Variants in ARHGEF3 observed in about 807,000 individuals in gnomAD.
ARHGEF3 encodes the protein Rho guanine nucleotide exchange factor 3, also known as 59.8 kDA protein.
In ARHGEF3, 28 loss-of-function variants were observed where a neutral mutation model predicts 63.2. The observed-to-expected ratio is 0.44, with a 90% confidence interval of 0.33 to 0.61. ARHGEF3 has a LOEUF of 0.61. ARHGEF3 is among the 20% of genes least tolerant of loss of function. The pLI, the probability that ARHGEF3 is intolerant of heterozygous loss-of-function variation, is 0.03. For synonymous variants in ARHGEF3, 266 were observed against 254.2 expected (o/e 1.05, Z -0.44); for missense variants, 533 against 659.3 (o/e 0.81, Z 2.10).
At chr3:56,811,978 G>T (rs2038084099) in intron 4 of ARHGEF3, among the ~76,000 whole-genome samples, 1 of 152,134 alleles carries the variant, frequency 6.6e-6, no homozygotes, top group Non-Finnish European at 1.5e-5. Flanking sequence ...TTTTATGTCT[G>T]TCTCCACTGC....
chr3:57,071,075 T>C (rs1017592547), intron 1 of ARHGEF3, among the ~76,000 whole-genome samples: 2 of 151,864 alleles, frequency 1.3e-5, no homozygotes, highest in African/African-American at 4.8e-5. Flanking sequence ...GCTATAGTAG[T>C]CAAGACAGTA....
chr3:56,967,395 T>A (rs866248243), intron 2 of ARHGEF3, among the ~76,000 whole-genome samples: 1 of 60,798 alleles, frequency 1.6e-5, no homozygotes, highest in African/African-American at 7.5e-5. Flanking sequence ...ATATTATATA[T>A]TATATAATAT....
intron 3 of ARHGEF3, among the ~76,000 whole-genome samples, chr3:56,957,400 CAT>C (rs758451460): frequency 1.3e-5 from 2 of 152,256 alleles, no homozygotes; most frequent in Non-Finnish European, 1.5e-5. Flanking sequence ...CTAAAGGTAA[CAT>C]GTGGATGGAT....
chr3:56,846,778 C>T (rs1427428522), intron 4 of ARHGEF3, among the ~76,000 whole-genome samples: 4 of 152,270 alleles, frequency 2.6e-5, no homozygotes, highest in South Asian at 4.1e-4. Context: ...GGTCTTGTGT[C>T]CTCTTCCTTT....
chr3:56,992,391 A>C lies in ARHGEF3; in HGVS notation c.63-33502T>G, dbSNP rs1204391882. On this transcript the variant is annotated intron_variant, in intron 2 of 12. Coordinates refer to the ARHGEF3 transcript ENST00000338458. ...GGATGGCTTTAAAAAAAAAAAAAAA[A>C]AAAAAAAAAAAAAAAAAAAAAAACA... 6.2e-4 allele frequency among the ~76,000 whole-genome samples: 69 copies of C among 111,142 alleles called. 1 individual carries two copies. Among genetic ancestry groups the C allele is most frequent in the African/African-American group, 3.0e-3 (63 of 20,920 alleles). 72.9% of individuals were successfully genotyped at this position (111,142 alleles called of 152,430 possible). A position where few individuals can be genotyped will look rare whatever the true frequency, so the allele number is the denominator to read the frequency against.
At chr3:56,758,382 G>A (rs1248730248) in intron 2 of ARHGEF3, among the ~76,000 whole-genome samples, 1 of 151,828 alleles carries the variant, frequency 6.6e-6, no homozygotes, top group Admixed American at 6.6e-5. Context: ...TTGAGCTGAG[G>A]AGTTCGAGAC....
At chr3:56,971,647 C>T (rs1700916022) in intron 2 of ARHGEF3, among the ~76,000 whole-genome samples, 1 of 151,572 alleles carries the variant, frequency 6.6e-6, no homozygotes, top group African/African-American at 2.4e-5. Flanking sequence ...GTCAGGAGAT[C>T]GAGACCATCC....
At chr3:56,999,773 G>T (rs1336634917) in intron 2 of ARHGEF3, among the ~76,000 whole-genome samples, 2 of 152,118 alleles carry the variant, frequency 1.3e-5, no homozygotes, top group Non-Finnish European at 2.9e-5. Flanking sequence ...CTCCAGCCTT[G>T]GAAAAAGAGT....
Position 56,755,226 on chromosome 3 carries a change from T to C in ARHGEF3, c.205-75A>G. On this transcript the variant is annotated intron_variant, in intron 2 of 9. Transcript: ENST00000296315. The stretch of plus-strand genomic sequence containing the variant: ...TGGATCTTTGAGCAGTTTCCTGTCG[T>C]TGACGGAACATAAATCATATATGTG... The C allele has an allele frequency of 1.7e-5, 25 of 1,461,854 alleles. 1 individual carries two copies. The South Asian group carries it at 2.6e-4, about 15-fold the overall frequency. The allele number at this position is 1,461,854 out of a possible 1,614,324, so 90.6% of individuals were successfully genotyped here. A position where few individuals can be genotyped will look rare whatever the true frequency, so the allele number is the denominator to read the frequency against.
intron 2 of ARHGEF3, among the ~76,000 whole-genome samples, chr3:57,013,809 A>G (rs1702815423): frequency 6.6e-6 from 1 of 152,172 alleles, no homozygotes; most frequent in South Asian, 2.1e-4. Context: ...GTCAAAACGG[A>G]CCAATCAGCT....
In ARHGEF3 at chr3:56,949,734, C is replaced by T. The variant is rs1000107136; in HGVS notation, c.129+9089G>A. Among the ~76,000 whole-genome samples, 59 of 152,062 alleles carry T rather than the reference C, an allele frequency of 3.9e-4. 1 individual carries two copies. The highest frequency in any genetic ancestry group is 4.1e-4 in the Non-Finnish European group (28 of 68,016). ...GGTAATTTATAGATTCAATGCCATC[C>T]CCATCAAGCTACCAATGATTTTCTT... is the stretch of plus-strand genomic sequence containing the variant. On this transcript the variant is annotated intron_variant, in intron 3 of 12. Coordinates refer to the ARHGEF3 transcript ENST00000338458.
In ARHGEF3 at chr3:56,728,407, C is replaced by T. The variant is rs2032868192; in HGVS notation, c.*863G>A. On this transcript the variant is annotated 3_prime_UTR_variant, in exon 10 of 10. Transcript: ENST00000296315. ...TCATGGTCTCTCTTCCTTGTTGCTT[C>T]ATTCATTCTCTAAAATAATGAGTAG... 6.6e-6 allele frequency: 1 copy of T among 152,650 alleles called. No individual in the cohort carries two copies. Among genetic ancestry groups the T allele is most frequent in the Non-Finnish European group, 1.5e-5 (1 of 68,060 alleles). 9.5% of individuals were successfully genotyped at this position (152,650 alleles called of 1,614,324 possible).
intron 8 of ARHGEF3, among the ~76,000 whole-genome samples, chr3:56,736,468 A>C (rs1426627312): frequency 6.6e-6 from 1 of 152,208 alleles, no homozygotes; most frequent in Admixed American, 6.5e-5. Flanking sequence ...AATTGGTTTC[A>C]AAATGCCAGT....
At position 56,727,431 on chromosome 3, in the gene ARHGEF3, T is replaced by C. The variant is rs1289831236; in HGVS notation, c.*1839A>G. ...GTACACATGGAGGATGACTTAATAA[T>C]GTAATTTATTTGAAATACTTCCAGA... On this transcript the variant is annotated 3_prime_UTR_variant, in exon 10 of 10. Coordinates refer to ENST00000296315, the MANE Select transcript of ARHGEF3 (RefSeq NM_019555.3). 1 of 152,670 alleles carries C rather than the reference T, an allele frequency of 6.6e-6. No individual in the cohort carries two copies. Among genetic ancestry groups the C allele is most frequent in the Non-Finnish European group, 1.5e-5 (1 of 68,042 alleles). 9.5% of individuals were successfully genotyped at this position (152,670 alleles called of 1,614,324 possible). A position where few individuals can be genotyped will look rare whatever the true frequency, so the allele number is the denominator to read the frequency against.
At chr3:57,017,032 T>TCACA (rs1553806980) in intron 2 of ARHGEF3, among the ~76,000 whole-genome samples, 3,851 of 104,294 alleles carry the variant, frequency 0.037, 95 homozygotes, top group East Asian at 0.068. Context: ...TCTCTCTCTC[T>TCACA]CACACACACA....
At chr3:57,005,984 C>T (rs1373333254) in intron 2 of ARHGEF3, among the ~76,000 whole-genome samples, 1 of 152,194 alleles carries the variant, frequency 6.6e-6, no homozygotes, top group Non-Finnish European at 1.5e-5. Context: ...ACGCATATGA[C>T]AACATACAGC....
intron 4 of ARHGEF3, among the ~76,000 whole-genome samples, chr3:56,849,296 A>G (rs1016649614): frequency 1.3e-5 from 2 of 152,216 alleles, no homozygotes; most frequent in African/African-American, 2.4e-5. Context: ...ATTCTGATTT[A>G]TTTAAAATAA....
At chr3:57,024,733 C>T (rs11929701) in intron 2 of ARHGEF3, among the ~76,000 whole-genome samples, 39,659 of 152,090 alleles carry the variant, frequency 0.26, 5,534 homozygotes, top group Middle Eastern at 0.33. Flanking sequence ...ATGATCCGCC[C>T]GCCTCGGCCT....
intron 2 of ARHGEF3, among the ~76,000 whole-genome samples, chr3:57,020,442 C>A (rs904268420): frequency 3.3e-4 from 50 of 152,146 alleles, no homozygotes; most frequent in African/African-American, 1.1e-3. Context: ...CATTGGGGGA[C>A]CACCCCTCCC....
Sources: gnomAD v4.1 joint callset for allele counts (sites outside exome capture counted in the v4.1 genomes callset) on GRCh38, gnomAD v4.1.1 for gene constraint, MANE v1.5 for transcripts, NCBI Gene and HGNC (gene_info 2026-07-23, HGNC 2026-07-21) for gene names.